ACOT12: variants seen among roughly 807,000 people sequenced by gnomAD.
ACOT12 encodes the protein acetyl-coenzyme A thioesterase.
ACOT12 carries 51 observed loss-of-function variants against 67.7 expected under a neutral mutation model. The ratio of observed to expected loss-of-function variants is 0.75; its 90% CI spans 0.60 to 0.95. The LOEUF is 0.95. Among genes scored for constraint, ACOT12 ranks in the 40% least tolerant of loss-of-function variants. The pLI, the probability that ACOT12 is intolerant of heterozygous loss-of-function variation, is 0.00. For missense variants in ACOT12, 734 were observed against 708.1 expected (o/e 1.04, Z -0.41); for synonymous variants, 251 against 244.6 (o/e 1.03, Z -0.24).
At chr5:81,326,236 T>C (rs1758673406), downstream of ACOT12, among the ~76,000 whole-genome samples, 1 of 147,568 alleles carries the variant, frequency 6.8e-6, no homozygotes, top group Admixed American at 7.1e-5. Flanking sequence ...AGCATTCTCC[T>C]GCCTCAGCCT....
chr5:81,390,656 A>T (rs1434188981), intron 1 of ACOT12, among the ~76,000 whole-genome samples: 1 of 151,012 alleles, frequency 6.6e-6, no homozygotes, highest in African/African-American at 2.4e-5. Context: ...AGCACCTGCC[A>T]CAACACCCGG....
chr5:81,356,234 C>A (rs1311817212), intron 5 of ACOT12, among the ~76,000 whole-genome samples: 1 of 152,190 alleles, frequency 6.6e-6, no homozygotes, highest in African/African-American at 2.4e-5. Flanking sequence ...CCGATGTCAC[C>A]AATGCCTTCC....
intron 3 of ACOT12, among the ~76,000 whole-genome samples, chr5:81,367,049 C>A (rs977339164): frequency 6.6e-6 from 1 of 152,076 alleles, no homozygotes; most frequent in Admixed American, 6.5e-5. Flanking sequence ...CTCTAGAAAC[C>A]CAAGCCATAT....
At chr5:81,340,904 A>G (rs1759174380) in intron 11 of ACOT12, among the ~76,000 whole-genome samples, 1 of 152,268 alleles carries the variant, frequency 6.6e-6, no homozygotes, top group Non-Finnish European at 1.5e-5. Flanking sequence ...ATTACTTTAT[A>G]CAATATCCTC....
At chr5:81,371,643 G>T in intron 3 of ACOT12, 107 bp downstream of exon 3, 1 of 1,099,270 alleles carries the variant, frequency 9.1e-7, no homozygotes, top group East Asian at 2.4e-5. Flanking sequence ...TTCTGAAATA[G>T]AGAATCTCAC....
intron 1 of ACOT12, among the ~76,000 whole-genome samples, chr5:81,388,733 C>T (rs1760792876): frequency 6.6e-6 from 1 of 152,172 alleles, no homozygotes; most frequent in Admixed American, 6.5e-5. Context: ...TGTGTCCCCA[C>T]CCAAACCTCA....
At chr5:81,328,313 T>C (rs1470450067), downstream of ACOT12, among the ~76,000 whole-genome samples, 1 of 152,180 alleles carries the variant, frequency 6.6e-6, no homozygotes, top group Non-Finnish European at 1.5e-5. Flanking sequence ...TCTTCTAATA[T>C]TCTATATTAA....
At chr5:81,344,353 C>G in intron 8 of ACOT12, 138 bp from the exon 9 acceptor site, 2 of 795,068 alleles carry the variant, frequency 2.5e-6, no homozygotes, top group Non-Finnish European at 3.8e-6. Context: ...GAACTGACTT[C>G]ATCAAGTCAG....
intron 1 of ACOT12, 86 bp from the exon 2 acceptor site, chr5:81,385,912 T>A (rs1760714080): frequency 7.8e-7 from 1 of 1,277,074 alleles, no homozygotes; most frequent in Non-Finnish European, 1.1e-6. Context: ...TGTAAGTGCA[T>A]TGATTTTAGT....
At position 81,365,742 on chromosome 5, in the gene ACOT12, G is replaced by A. The variant is rs184184371; in HGVS notation, c.259-1853C>T. Among the ~76,000 whole-genome samples the A allele has an allele frequency of 1.3e-3, 191 of 152,270 alleles. 1 individual carries two copies. Among genetic ancestry groups the A allele is most frequent in the African/African-American group, 3.6e-3 (149 of 41,550 alleles). ...AACACAGGACTGTGATCCCCAAGGC[G>A]GGAAAAACAACGAGAGCACTGCGTT... On this transcript the variant is annotated intron_variant, in intron 3 of 14. Transcript: ENST00000307624.
intron 2 of ACOT12, among the ~76,000 whole-genome samples, chr5:81,373,115 G>A (rs999073704): frequency 9.9e-5 from 15 of 152,192 alleles, no homozygotes; most frequent in African/African-American, 1.9e-4. Context: ...AGCTATCAGC[G>A]AGATCGATGC....
chr5:81,366,128 G>T (rs955847503), intron 3 of ACOT12, among the ~76,000 whole-genome samples: 1 of 152,160 alleles, frequency 6.6e-6, no homozygotes, highest in East Asian at 1.9e-4. Flanking sequence ...TTAGAAGAGG[G>T]GCTAAAGTAG....
At chr5:81,323,121 G>C in the ACOT12 span, among the ~76,000 whole-genome samples, 1 of 151,244 alleles carries the variant, frequency 6.6e-6, no homozygotes, top group Non-Finnish European at 1.5e-5. Flanking sequence ...GACCAATATG[G>C]CTGGAAAAGA....
At chr5:81,326,559 C>G (rs1012890678), downstream of ACOT12, among the ~76,000 whole-genome samples, 1 of 152,198 alleles carries the variant, frequency 6.6e-6, no homozygotes, top group African/African-American at 2.4e-5. Context: ...ATTTGTGTTG[C>G]TTTCCTTTCC....
At chr5:81,311,133 A>G in the ACOT12 span, 1 of 1,427,596 alleles carries the variant, frequency 7.0e-7, no homozygotes, top group Non-Finnish European at 9.9e-7. Context: ...GGATCCAGTA[A>G]GATGTGAAAG....
At position 81,394,105 on chromosome 5, in the gene ACOT12, G is replaced by T; in HGVS notation, c.10C>A (p.Pro4Thr). The change falls in exon 1 of 15, where the codon CCG becomes ACG. Residue 4 changes from proline to threonine, a missense_variant. Transcript: ENST00000307624. ...CTCATGACCACCTCGCCGGGCGCCG[G>T]CCGCTCCATGGCCAGGGCGAGAGCG... is the stretch of plus-strand genomic sequence containing the variant. MER[P>T]APGEVVMSQA... The T allele has an allele frequency of 6.9e-6, 10 of 1,452,018 alleles. No individual in the cohort carries two copies. The highest frequency in any genetic ancestry group is 9.0e-6 in the Non-Finnish European group (10 of 1,106,796). 89.9% of individuals were successfully genotyped at this position (1,452,018 alleles called of 1,614,324 possible). A position where few individuals can be genotyped will look rare whatever the true frequency, so the allele number is the denominator to read the frequency against.
At chr5:81,320,511 C>T in the ACOT12 span, among the ~76,000 whole-genome samples, 1 of 152,132 alleles carries the variant, frequency 6.6e-6, no homozygotes, top group Non-Finnish European at 1.5e-5. Context: ...ATTCATACTG[C>T]TTGTATGGTC....
intron 5 of ACOT12, among the ~76,000 whole-genome samples, chr5:81,351,017 T>C (rs1447105367): frequency 6.6e-6 from 1 of 152,256 alleles, no homozygotes; most frequent in East Asian, 1.9e-4. Flanking sequence ...TCACCATTTC[T>C]GGACTTCAAA....
chr5:81,379,485 T>C (rs781075614), intron 2 of ACOT12, among the ~76,000 whole-genome samples: 1 of 145,594 alleles, frequency 6.9e-6, no homozygotes, highest in Non-Finnish European at 1.5e-5. Flanking sequence ...ACAATAATAA[T>C]AAAAAAAAAA....
Sources: gnomAD v4.1 joint callset for allele counts (sites outside exome capture counted in the v4.1 genomes callset) on GRCh38, gnomAD v4.1.1 for gene constraint, MANE v1.5 for transcripts, NCBI Gene and HGNC (gene_info 2026-07-23, HGNC 2026-07-21) for gene names.